The following ZNF681 variants were observed in gnomAD, a reference collection of about 807,000 sequenced individuals.
ZNF681 encodes hypothetical protein FLJ31526.
ZNF681 carries 37 observed loss-of-function variants against 56.0 expected under a neutral mutation model. The observed-to-expected ratio is 0.66, with a 90% CI of 0.51 to 0.87. ZNF681 has a LOEUF of 0.87. ZNF681 is among the 40% of genes least tolerant of loss of function. The probability of loss-of-function intolerance (pLI) is 0.00; values close to 1 mark genes in which losing one functional copy is unlikely to be tolerated. For synonymous variants in ZNF681, 225 were observed against 248.6 expected, an observed-to-expected ratio of 0.91 and a Z score of 0.89; for missense variants, 741 against 744.9, an observed-to-expected ratio of 0.99 and a Z score of 0.06.
At position 23,745,238 on chromosome 19, in the gene ZNF681, T is replaced by C; in HGVS notation, c.312A>G (p.Gly104=). 6.2e-7 allele frequency: 1 copy of C among 1,611,152 alleles called. No individual in the cohort carries two copies. Among genetic ancestry groups the C allele is most frequent in the Non-Finnish European group, 8.5e-7 (1 of 1,179,260 alleles). ...SFQKVTPRRY[G]KCEHENLQLS... ...ACTGTAAATTCTCATGTTCACATTT[T>C]CCATATCTTCTTGGTGTCACTTTTT... Residue 104 remains glycine (G), a synonymous_variant, in exon 4 of 4, where the codon GGA becomes GGG. Coordinates refer to ENST00000402377, the MANE Select transcript of ZNF681 (RefSeq NM_138286.3).
chr19:23,750,922 G>A (rs1390874554), intron 3 of ZNF681, among the ~76,000 whole-genome samples: 1 of 150,216 alleles, frequency 6.7e-6, no homozygotes, highest in African/African-American at 2.5e-5. Flanking sequence ...TTGAAGGTTC[G>A]AGACCAGCCT....
Position 23,744,004 on chromosome 19 carries a change from A to G in ZNF681, c.1546T>C (p.Tyr516His). The change falls in exon 4 of 4, where the codon TAT becomes CAT. Residue 516 changes from tyrosine (Y) to histidine (H), a missense_variant. Coordinates refer to ENST00000402377, the MANE Select transcript of ZNF681 (RefSeq NM_138286.3). ...YKCEECGKAF[Y>H]RSSKLTEHKK... ...TGTTCAGTAAGTTTTGAGGATCGAT[A>G]GAAAGCTTTGCCACATTCTTCACAT... is the stretch of plus-strand genomic sequence containing the variant. 1 of 1,603,578 alleles carries G rather than the reference A, an allele frequency of 6.2e-7. No individual in the cohort carries two copies. Among genetic ancestry groups the G allele is most frequent in the South Asian group, 1.1e-5 (1 of 90,562 alleles).
At chr19:23,755,308 A>C in intron 2 of ZNF681, 117 bp downstream of exon 2, 2 of 1,326,440 alleles carry the variant, frequency 1.5e-6, no homozygotes, top group Non-Finnish European at 2.0e-6. Flanking sequence ...GATTTTTATA[A>C]AAACAGGGAT....
At position 23,741,217 on chromosome 19, in the gene ZNF681, A is replaced by T. The variant is rs1968870600; in HGVS notation, c.*2395T>A. The T allele has an allele frequency of 6.6e-6, 1 of 152,158 alleles. No homozygotes were observed. Among genetic ancestry groups the T allele is most frequent in the African/African-American group, 2.4e-5 (1 of 41,432 alleles). The allele number at this position is 152,158 out of a possible 1,614,324, so 9.4% of individuals were successfully genotyped here. A position where few individuals can be genotyped will look rare whatever the true frequency, so the allele number is the denominator to read the frequency against. The stretch of plus-strand genomic sequence containing the variant: ...CCAAGCTTTATCTTTAAAGTAATAT[A>T]TGTATATATTTAACTCTGTGTAAAT... On this transcript the variant is annotated 3_prime_UTR_variant, in exon 4 of 4. Transcript: ENST00000402377.
chr19:23,757,831 CTG>C (rs1327766961), intron 1 of ZNF681, among the ~76,000 whole-genome samples: 1 of 151,798 alleles, frequency 6.6e-6, no homozygotes, highest in Non-Finnish European at 1.5e-5. Context: ...ATTTCCAGTT[CTG>C]TTTTTCCTAA....
At chr19:23,756,640 C>T (rs1384124837) in intron 1 of ZNF681, among the ~76,000 whole-genome samples, 1 of 151,736 alleles carries the variant, frequency 6.6e-6, no homozygotes, top group African/African-American at 2.4e-5. Context: ...CAGGGCCAGT[C>T]GGGGGGTGGA....
chr19:23,757,324 A>G (rs1253342142), intron 1 of ZNF681, among the ~76,000 whole-genome samples: 1 of 152,188 alleles, frequency 6.6e-6, no homozygotes, highest in Admixed American at 6.6e-5. Flanking sequence ...GTACTGTTTA[A>G]TAATTCCCAG....
intron 1 of ZNF681, among the ~76,000 whole-genome samples, chr19:23,758,266 G>A (rs1969153660): frequency 6.6e-6 from 1 of 152,178 alleles, no homozygotes; most frequent in Non-Finnish European, 1.5e-5. Context: ...TTAGCCGGGC[G>A]TGGTGGCAAA....
Position 23,744,171 on chromosome 19 carries a change from T to A in ZNF681, c.1379A>T (p.Asn460Ile), listed in dbSNP as rs1281168684. The A allele has an allele frequency of 1.2e-6, 2 of 1,613,062 alleles. No individual in the cohort carries two copies. Among genetic ancestry groups the A allele is most frequent in the Non-Finnish European group, 1.7e-6 (2 of 1,179,788 alleles). Residue 460 changes from asparagine to isoleucine, a missense_variant, in exon 4 of 4, where the codon AAC (asparagine) becomes ATC (isoleucine). Physicochemically the swap from Asn to Ile is moderately radical, Grantham distance 149. Transcript: ENST00000402377. Reference protein sequence around the residue: ...YKCEECGKAFNQFSNLTTHKR... With the variant: ...YKCEECGKAFIQFSNLTTHKR... ...ATGTGTAGTAAGGTTTGAGAACTGG[T>A]TAAAGGCTTTCCCACATTCTTCACA...
rs1257187318 is a variant in ZNF681 at position 23,743,630 on chromosome 19, A to G, written c.1920T>C (p.Tyr640=). Residue 640 remains tyrosine (Y), a synonymous_variant, in exon 4 of 4, where the codon TAT becomes TAC. Transcript: ENST00000402377. ...TSKFSKHKRN[Y]AGEKS ...CACATTTCTAAGATTTCTCACCAGCATAATTTCTTTTATGTTTAGAAAACT... is the reference window on the plus strand; with the variant it reads ...CACATTTCTAAGATTTCTCACCAGCGTAATTTCTTTTATGTTTAGAAAACT... 1 of 1,503,696 alleles carries G rather than the reference A, an allele frequency of 6.7e-7. No individual in the cohort carries two copies. Among genetic ancestry groups the G allele is most frequent in the Middle Eastern group, 1.8e-4 (1 of 5,714 alleles). 93.1% of individuals were successfully genotyped at this position (1,503,696 alleles called of 1,614,324 possible).
intron 3 of ZNF681, among the ~76,000 whole-genome samples, chr19:23,751,151 A>G (rs1369156993): frequency 2.8e-5 from 4 of 141,700 alleles, no homozygotes; most frequent in Admixed American, 7.3e-5. Context: ...AAAAAAAAAG[A>G]TCTGGTTTGC....
rs368732075 is a variant in ZNF681, at chr19:23,743,534, GTT to G, written c.*76_*77del. 1.3e-4 allele frequency: 168 copies of G among 1,264,040 alleles called. 1 individual carries two copies. In the African/African-American group the frequency reaches 2.5e-3, roughly 19 times the overall value. The allele number at this position is 1,264,040 out of a possible 1,614,324, so 78.3% of individuals were successfully genotyped here. A position where few individuals can be genotyped will look rare whatever the true frequency, so the allele number is the denominator to read the frequency against. ...TTTGCCACATTCTTCACACTTGTAG[GTT>G]TTTTTTTAGTATGAATTATCTTATG... On this transcript the variant is annotated 3_prime_UTR_variant, in exon 4 of 4. Transcript: ENST00000402377.
Position 23,739,581 on chromosome 19 carries a change from G to A in ZNF681, c.*4031C>T, listed in dbSNP as rs2144834037. 1 of 152,216 alleles carries A rather than the reference G, an allele frequency of 6.6e-6. No individual in the cohort carries two copies. Among genetic ancestry groups the A allele is most frequent in the Non-Finnish European group, 1.5e-5 (1 of 68,010 alleles). 9.4% of individuals were successfully genotyped at this position (152,216 alleles called of 1,614,324 possible). The stretch of plus-strand genomic sequence containing the variant: ...ATACTTCAAAATGTCATGCTTCACA[G>A]AATAAATGCACAATTTATATATTAC... On this transcript the variant is annotated 3_prime_UTR_variant, in exon 4 of 4. Transcript: ENST00000402377.
chr19:23,749,990 A>G (rs1359488157), intron 3 of ZNF681, among the ~76,000 whole-genome samples: 2 of 146,102 alleles, frequency 1.4e-5, no homozygotes, highest in Non-Finnish European at 3.0e-5. Flanking sequence ...ATCAACTAAG[A>G]AAAAAAAAAA....
At chr19:23,747,472 TA>T (rs1273350875) in intron 3 of ZNF681, among the ~76,000 whole-genome samples, 4 of 151,800 alleles carry the variant, frequency 2.6e-5, no homozygotes, top group African/African-American at 9.7e-5. Flanking sequence ...ACCCCGTCTC[TA>T]CTAAAAATAC....
Position 23,748,161 on chromosome 19 carries a change from C to A in ZNF681, c.227-2838G>T, listed in dbSNP as rs563113982. 5.9e-5 allele frequency among the ~76,000 whole-genome samples: 9 copies of A among 152,088 alleles called. No individual in the cohort carries two copies. In the East Asian group the frequency reaches 1.7e-3, roughly 29 times the overall value. ...AAGTAACTACACTACAAAATTTCCA[C>A]ACATCAAAAAAACATTAGAGTGACA... is the stretch of plus-strand genomic sequence containing the variant. On this transcript the variant is annotated intron_variant, in intron 3 of 3. Coordinates refer to ENST00000402377, the MANE Select transcript of ZNF681 (RefSeq NM_138286.3).
intron 3 of ZNF681, among the ~76,000 whole-genome samples, chr19:23,750,607 T>C (rs1969013518): frequency 6.6e-6 from 1 of 151,862 alleles, no homozygotes; most frequent in Admixed American, 6.6e-5. Flanking sequence ...TTAGGGAGAC[T>C]GAGGTGGACA....
chr19:23,745,182 T>C lies in ZNF681; in HGVS notation c.368A>G (p.Gln123Arg), dbSNP rs1568309975. 6.2e-7 allele frequency: 1 copy of C among 1,613,390 alleles called. No individual in the cohort carries two copies. Among genetic ancestry groups the C allele is most frequent in the Non-Finnish European group, 8.5e-7 (1 of 1,179,842 alleles). ...GTTAAGTCCATTATAACCTCCTTTT[T>C]GCACTTTGCACTCATCCACACTTTT... ...LSKSVDECKV[Q>R]KGGYNGLNQC... The change falls in exon 4 of 4, where the codon CAA becomes CGA. Residue 123 changes from glutamine (Q) to arginine (R), a missense_variant. Transcript: ENST00000402377.
At chr19:23,757,121 C>T (rs1969134021) in intron 1 of ZNF681, among the ~76,000 whole-genome samples, 1 of 151,968 alleles carries the variant, frequency 6.6e-6, no homozygotes, top group African/African-American at 2.4e-5. Context: ...CTCCTCACCT[C>T]GTGATCCACT....
Sources: allele counts gnomAD v4.1 joint callset (sites outside exome capture counted in the v4.1 genomes callset), GRCh38; gene constraint gnomAD v4.1.1; transcripts MANE v1.5; gene names NCBI Gene and HGNC (gene_info 2026-07-23, HGNC 2026-07-21).